Variants in WWOX observed in about 807,000 individuals in gnomAD.
WWOX encodes WW domain-containing oxidoreductase.
Under a neutral mutation model 46.2 loss-of-function variants are expected in WWOX, and 69 were observed. The observed-to-expected ratio is 1.49, with a 90% CI of 1.23 to 1.82. The LOEUF is 1.82. Ranked by LOEUF, WWOX falls within the 40% of genes most tolerant of loss-of-function variation. The pLI, the probability that WWOX is intolerant of heterozygous loss-of-function variation, is 0.00. For synonymous variants in WWOX, 359 were observed against 202.6 expected (o/e 1.77, Z -6.56); for missense variants, 919 against 542.6 (o/e 1.69, Z -6.89).
intron 8 of WWOX, among the ~76,000 whole-genome samples, chr16:79,037,086 G>A (rs1597310827): frequency 6.6e-6 from 1 of 152,234 alleles, no homozygotes; most frequent in Non-Finnish European, 1.5e-5. Flanking sequence ...CTCAGGGCGG[G>A]GCCTGGGCTT....
chr16:78,764,471 A>C (rs1367816518), intron 8 of WWOX, among the ~76,000 whole-genome samples: 1 of 148,398 alleles, frequency 6.7e-6, no homozygotes, highest in African/African-American at 2.5e-5. Context: ...TTGTAAAATT[A>C]AGACTGTTTT....
At chr16:78,272,715 C>G (rs2079502869) in intron 5 of WWOX, among the ~76,000 whole-genome samples, 1 of 151,972 alleles carries the variant, frequency 6.6e-6, no homozygotes, top group South Asian at 2.1e-4. Flanking sequence ...ACAACGTTCC[C>G]ATTTTTACCT....
intron 3 of WWOX, among the ~76,000 whole-genome samples, chr16:78,110,317 G>A (rs902664173): frequency 7.0e-6 from 1 of 141,872 alleles, no homozygotes; most frequent in Non-Finnish European, 1.5e-5. Context: ...TCCAGCCTGG[G>A]TGACAGAATG....
At chr16:78,675,085 C>G (rs1019772961) in intron 8 of WWOX, among the ~76,000 whole-genome samples, 47 of 152,114 alleles carry the variant, frequency 3.1e-4, no homozygotes, top group African/African-American at 1.1e-3. Flanking sequence ...TTGCTCTAGG[C>G]AAGGCGCTGT....
intron 5 of WWOX, among the ~76,000 whole-genome samples, chr16:78,248,865 T>C (rs1401291064): frequency 9.2e-5 from 7 of 75,854 alleles, no homozygotes; most frequent in Non-Finnish European, 1.5e-4. Flanking sequence ...CCCCCCGGCC[T>C]TTTTTTTTTT....
intron 8 of WWOX, among the ~76,000 whole-genome samples, chr16:78,610,810 G>A (rs965242758): frequency 6.6e-6 from 1 of 151,986 alleles, no homozygotes; most frequent in Admixed American, 6.6e-5. Context: ...AAACTCTGGG[G>A]GCATTATCAT....
At position 78,359,931 on chromosome 16, in the gene WWOX, C is replaced by T. The variant is rs548771509; in HGVS notation, c.517-26929C>T. ...GATTGTTAGTTTTCTGTGGAGGGAA[C>T]AACACTCATCTTGCAAATTTGCCTT... On this transcript the variant is annotated intron_variant, in intron 5 of 8. Coordinates refer to ENST00000566780, the MANE Select transcript of WWOX (RefSeq NM_016373.4). Among the ~76,000 whole-genome samples, 104 of 152,264 alleles carry T rather than the reference C, an allele frequency of 6.8e-4. 2 individuals are homozygous for T. The South Asian group carries it at 0.021, about 31-fold the overall frequency.
intron 8 of WWOX, among the ~76,000 whole-genome samples, chr16:78,768,988 T>C (rs1290342989): frequency 6.6e-6 from 1 of 152,230 alleles, no homozygotes; most frequent in Non-Finnish European, 1.5e-5. Flanking sequence ...AAGGTGTGGT[T>C]CAAAGATGCT....
intron 8 of WWOX, among the ~76,000 whole-genome samples, chr16:78,988,511 G>C (rs1169199118): frequency 6.6e-6 from 1 of 152,066 alleles, no homozygotes; most frequent in Non-Finnish European, 1.5e-5. Flanking sequence ...TTTGGTTGAG[G>C]AATTCAGCCT....
intron 8 of WWOX, among the ~76,000 whole-genome samples, chr16:78,938,811 G>A (rs567392841): frequency 2.0e-5 from 3 of 152,276 alleles, no homozygotes; most frequent in Non-Finnish European, 4.4e-5. Flanking sequence ...AGGGGCTGGC[G>A]AGGAGAGCAG....
chr16:78,851,268 A>G (rs1037241723), intron 8 of WWOX, among the ~76,000 whole-genome samples: 1 of 152,194 alleles, frequency 6.6e-6, no homozygotes, highest in African/African-American at 2.4e-5. Flanking sequence ...CCAGGGTCAT[A>G]AACAATAATT....
intron 6 of WWOX, among the ~76,000 whole-genome samples, chr16:78,424,436 A>G (rs938663392): frequency 2.0e-5 from 3 of 152,170 alleles, no homozygotes; most frequent in Non-Finnish European, 2.9e-5. Context: ...CAGCCTTTTT[A>G]ACAGCATAAT....
chr16:78,827,111 C>G (rs558480177), intron 8 of WWOX, among the ~76,000 whole-genome samples: 3 of 152,142 alleles, frequency 2.0e-5, no homozygotes, highest in Non-Finnish European at 4.4e-5. Flanking sequence ...CTCTCCAGAA[C>G]TCCAGGATGC....
At chr16:79,121,084 G>A (rs2049621693) in intron 8 of WWOX, among the ~76,000 whole-genome samples, 1 of 152,176 alleles carries the variant, frequency 6.6e-6, no homozygotes, top group Admixed American at 6.5e-5. Flanking sequence ...CGTTTCTTCT[G>A]TAAGGATACT....
chr16:78,123,364 A>C (rs951466044), intron 4 of WWOX: 5 of 151,414 alleles, frequency 3.3e-5, no homozygotes, highest in African/African-American at 1.2e-4. Flanking sequence ...TGTAATATTT[A>C]AGTATTAATA....
intron 8 of WWOX, among the ~76,000 whole-genome samples, chr16:79,113,078 G>T (rs534273966): frequency 6.6e-6 from 1 of 152,328 alleles, no homozygotes; most frequent in Non-Finnish European, 1.5e-5. Context: ...CCAGAACTCG[G>T]TCTGGTGGAA....
chr16:78,659,848 A>T (rs1012844788), intron 8 of WWOX, among the ~76,000 whole-genome samples: 7 of 152,172 alleles, frequency 4.6e-5, no homozygotes, highest in Non-Finnish European at 7.3e-5. Flanking sequence ...GACTCTCCTT[A>T]CACATTTATT....
intron 8 of WWOX, among the ~76,000 whole-genome samples, chr16:79,018,157 A>G (rs1233806452): frequency 6.6e-6 from 1 of 152,176 alleles, no homozygotes; most frequent in Non-Finnish European, 1.5e-5. Context: ...CCGGTTAAAC[A>G]CGGTACTGAA....
chr16:79,023,165 A>G (rs563954869), intron 8 of WWOX, among the ~76,000 whole-genome samples: 4 of 152,196 alleles, frequency 2.6e-5, no homozygotes, highest in Non-Finnish European at 4.4e-5. Flanking sequence ...ATATATGCAC[A>G]CACTTGACCT....
Sources: allele counts gnomAD v4.1 joint callset (sites outside exome capture counted in the v4.1 genomes callset), GRCh38; gene constraint gnomAD v4.1.1; transcripts MANE v1.5; gene names NCBI Gene and HGNC (gene_info 2026-07-23, HGNC 2026-07-21).